PDSS2: variants seen among roughly 807,000 people sequenced by gnomAD.
The protein encoded by PDSS2 is decaprenyl diphosphate synthase subunit 2, also known as all trans-polyprenyl-diphosphate synthase PDSS2.
In PDSS2, 31 loss-of-function variants were observed where a neutral mutation model predicts 44.5. That is an observed-to-expected ratio of 0.70 (90% CI 0.52 to 0.94). PDSS2 has a LOEUF of 0.94. Ranked by LOEUF, PDSS2 falls within the 40% of genes least tolerant of loss-of-function variation. The pLI is 0.00. For synonymous variants in PDSS2, 157 were observed against 180.3 expected (o/e 0.87, Z 1.03); for missense variants, 452 against 482.2 (o/e 0.94, Z 0.59).
At chr6:107,437,463 T>C (rs144714182) in intron 1 of PDSS2, among the ~76,000 whole-genome samples, 338 of 146,044 alleles carry the variant, frequency 2.3e-3, no homozygotes, top group African/African-American at 8.2e-3. Flanking sequence ...AGGCAGAGGC[T>C]ATAGTGAGCC....
intron 1 of PDSS2, among the ~76,000 whole-genome samples, chr6:107,437,653 G>T (rs1166850043): frequency 6.6e-6 from 1 of 151,532 alleles, no homozygotes; most frequent in East Asian, 1.9e-4. Flanking sequence ...AATCAGCCCT[G>T]TGGGAGCCTG....
chr6:107,187,536 A>G (rs1458532578), intron 7 of PDSS2, among the ~76,000 whole-genome samples: 2 of 152,086 alleles, frequency 1.3e-5, no homozygotes, highest in African/African-American at 4.8e-5. Context: ...GTGGTGGCGC[A>G]TGCCTATAAT....
Position 107,274,051 on chromosome 6 carries a change from A to AGTCCATTGCAGG in PDSS2, c.596_607dup (p.Gly202_Leu203insProCysAsnGly). On this transcript the variant is annotated inframe_insertion, in exon 3 of 8. Transcript: ENST00000369037. Reference sequence around the variant, plus strand: ...TACCTTGGTGTTCTGTAGCAGAGCTAGTCCATTGCAGGCATTTGCTAGAAG... The same window carrying AGTCCATTGCAGG: ...TACCTTGGTGTTCTGTAGCAGAGCTAGTCCATTGCAGGGTCCATTGCAGGCATTTGCTAGAAG... The AGTCCATTGCAGG allele has an allele frequency of 6.2e-7, 1 of 1,614,036 alleles. No homozygotes were observed. Among genetic ancestry groups the AGTCCATTGCAGG allele is most frequent in the East Asian group, 2.2e-5 (1 of 44,880 alleles).
chr6:107,269,667 A>G lies in PDSS2; in HGVS notation c.630+4362T>C, dbSNP rs911120738. Among the ~76,000 whole-genome samples, 15 of 152,172 alleles carry G rather than the reference A, an allele frequency of 9.9e-5. 1 individual carries two copies. The South Asian group carries it at 2.9e-3, about 29-fold the overall frequency. ...GCCAATTATTATTAGTAGTAGTAGTAGTAGTATTTTTTGACACAGAGTTTC... is the reference window on the plus strand; with the variant it reads ...GCCAATTATTATTAGTAGTAGTAGTGGTAGTATTTTTTGACACAGAGTTTC... On this transcript the variant is annotated intron_variant, in intron 3 of 7. Transcript: ENST00000369037.
chr6:107,385,435 C>T (rs372326413), intron 1 of PDSS2, among the ~76,000 whole-genome samples: 14 of 152,164 alleles, frequency 9.2e-5, no homozygotes, highest in African/African-American at 3.1e-4. Flanking sequence ...GAATGAGGTA[C>T]GCTGGTTAAT....
chr6:107,447,479 G>A (rs537661915), intron 1 of PDSS2, among the ~76,000 whole-genome samples: 147 of 152,250 alleles, frequency 9.7e-4, no homozygotes, highest in South Asian at 2.9e-3. Context: ...CATCAAGTCC[G>A]GAATCCAACA....
At chr6:107,324,521 T>C (rs1562462544) in intron 2 of PDSS2, among the ~76,000 whole-genome samples, 2 of 152,172 alleles carry the variant, frequency 1.3e-5, no homozygotes, top group Non-Finnish European at 2.9e-5. Context: ...CATGAATAGG[T>C]TATTAAAAAA....
chr6:107,388,123 C>T (rs1247181202), intron 1 of PDSS2, among the ~76,000 whole-genome samples: 2 of 152,166 alleles, frequency 1.3e-5, no homozygotes, highest in Non-Finnish European at 2.9e-5. Flanking sequence ...AATTTCCTCA[C>T]CCCGACAGCC....
chr6:107,425,463 C>T lies in PDSS2; in HGVS notation c.296+33527G>A, dbSNP rs529318730. Among the ~76,000 whole-genome samples, 23 of 152,190 alleles carry T rather than the reference C, an allele frequency of 1.5e-4. No homozygotes were observed. In the East Asian group the frequency reaches 3.1e-3, roughly 20 times the overall value. ...TGGAGATGAGGAACTTGTTGGGAAC[C>T]GGAGCAAAGGTAATTCTTGTTATGT... On this transcript the variant is annotated intron_variant, in intron 1 of 7. Transcript: ENST00000369037.
intron 7 of PDSS2, among the ~76,000 whole-genome samples, chr6:107,173,961 G>C (rs1771698771): frequency 1.3e-5 from 2 of 152,192 alleles, no homozygotes; most frequent in Non-Finnish European, 1.5e-5. Flanking sequence ...ATCAGCCAAG[G>C]CTGTGATGTA....
At chr6:107,204,380 T>C (rs1040328033) in intron 6 of PDSS2, among the ~76,000 whole-genome samples, 1 of 152,204 alleles carries the variant, frequency 6.6e-6, no homozygotes, top group East Asian at 1.9e-4. Flanking sequence ...CACTGGGCTA[T>C]TTCTACCTTT....
At chr6:107,347,764 C>G (rs1441661558) in intron 1 of PDSS2, among the ~76,000 whole-genome samples, 2 of 152,116 alleles carry the variant, frequency 1.3e-5, no homozygotes, top group African/African-American at 4.8e-5. Context: ...GACAAGATAT[C>G]TGTATTTGAA....
chr6:107,425,397 A>G (rs1053093029), intron 1 of PDSS2, among the ~76,000 whole-genome samples: 2 of 152,210 alleles, frequency 1.3e-5, no homozygotes, highest in African/African-American at 4.8e-5. Flanking sequence ...AAATGCTGAC[A>G]GTGATATGAA....
In PDSS2 at chr6:107,284,694, T is replaced by C. The variant is rs552743675; in HGVS notation, c.432-10467A>G. 1.7e-4 allele frequency among the ~76,000 whole-genome samples: 26 copies of C among 151,716 alleles called. No homozygotes were observed. In the South Asian group the frequency reaches 5.2e-3, roughly 30 times the overall value. ...AAAAAAAAAGAGTTGTTAACCATAG[T>C]TAACCTTGTTTTAGCTACACCCTTC... On this transcript the variant is annotated intron_variant, in intron 2 of 7. Coordinates refer to ENST00000369037, the MANE Select transcript of PDSS2 (RefSeq NM_020381.4).
intron 1 of PDSS2, among the ~76,000 whole-genome samples, chr6:107,338,434 G>A (rs1777974385): frequency 6.6e-6 from 1 of 152,214 alleles, no homozygotes; most frequent in Non-Finnish European, 1.5e-5. Context: ...CTCACTGCAT[G>A]CCAGGCTTGG....
Position 107,241,378 on chromosome 6 carries a change from C to T in PDSS2, c.702+4170G>A, listed in dbSNP as rs1231970585. ...TTTTTTTTTTTTTGAGACGGAGCCT[C>T]GCTCTGTCCCCAGGCTGGAGTGCAG... On this transcript the variant is annotated intron_variant, in intron 4 of 7. Transcript: ENST00000369037. Among the ~76,000 whole-genome samples, 27 of 133,812 alleles carry T rather than the reference C, an allele frequency of 2.0e-4. No homozygotes were observed. In the East Asian group the frequency reaches 4.0e-3, roughly 20 times the overall value. 87.8% of individuals were successfully genotyped at this position (133,812 alleles called of 152,430 possible). A position where few individuals can be genotyped will look rare whatever the true frequency, so the allele number is the denominator to read the frequency against.
At chr6:107,278,193 A>G (rs537925327) in intron 2 of PDSS2, among the ~76,000 whole-genome samples, 1 of 152,250 alleles carries the variant, frequency 6.6e-6, no homozygotes, top group South Asian at 2.1e-4. Flanking sequence ...CAGTAGACAT[A>G]TTGTACTTGA....
chr6:107,261,619 C>T (rs1333657000), intron 3 of PDSS2, among the ~76,000 whole-genome samples: 1 of 140,172 alleles, frequency 7.1e-6, no homozygotes, highest in African/African-American at 2.6e-5. Flanking sequence ...CACTCTTTCC[C>T]CTAGGCTGGA....
intron 2 of PDSS2, among the ~76,000 whole-genome samples, chr6:107,277,990 T>C (rs12191950): frequency 0.042 from 6,400 of 150,822 alleles, 245 homozygotes; most frequent in African/African-American, 0.1. Context: ...AATAAATAAA[T>C]AAATAAATAA....
Sources: gnomAD v4.1 joint callset for allele counts (sites outside exome capture counted in the v4.1 genomes callset) on GRCh38, gnomAD v4.1.1 for gene constraint, MANE v1.5 for transcripts, NCBI Gene and HGNC (gene_info 2026-07-23, HGNC 2026-07-21) for gene names.